Variants in POU6F2 observed in about 807,000 individuals in gnomAD.
POU6F2 encodes POU class 6 homeobox 2, also known as POU domain, class 6, transcription factor 2.
A neutral mutation model predicts 71.3 loss-of-function variants in POU6F2; 31 were observed. The ratio of observed to expected loss-of-function variants is 0.43; its 90% CI spans 0.33 to 0.59. The LOEUF (loss-of-function observed/expected upper bound fraction) is 0.59. Ranked by LOEUF, POU6F2 falls within the 20% of genes least tolerant of loss-of-function variation. POU6F2 has a pLI of 0.04. For synonymous variants in POU6F2, 347 were observed against 355.7 expected (o/e 0.98, Z 0.27); for missense variants, 783 against 856.8 (o/e 0.91, Z 1.07).
chr7:39,414,100 C>T (rs1470249429), intron 6 of POU6F2, among the ~76,000 whole-genome samples: 1 of 152,168 alleles, frequency 6.6e-6, no homozygotes, highest in South Asian at 2.1e-4. Flanking sequence ...CCTGTATTCC[C>T]CAACCGAACA....
At chr7:39,335,154 G>T (rs920119680) in intron 4 of POU6F2, among the ~76,000 whole-genome samples, 5 of 151,918 alleles carry the variant, frequency 3.3e-5, no homozygotes, top group African/African-American at 1.2e-4. Flanking sequence ...TGAATAACAT[G>T]TACCATGGCC....
At chr7:38,989,732 G>GAT (rs111267923) in intron 1 of POU6F2, among the ~76,000 whole-genome samples, 3,469 of 149,764 alleles carry the variant, frequency 0.023, 51 homozygotes, top group African/African-American at 0.037. Context: ...TGAGAAGTAA[G>GAT]ATATATATAT....
Position 39,433,288 on chromosome 7 carries a change from A to G in POU6F2, c.1320+5A>G. On this transcript the variant is annotated splice_donor_5th_base_variant and intron_variant, in intron 7 of 9. Transcript: ENST00000518318. ...CCCATCAAGCCCGGCCAGCAGGTAA[A>G]TGTTCCAGGCCAAGGCAGCCATGGC... The G allele has an allele frequency of 1.2e-6, 2 of 1,613,860 alleles. No homozygotes were observed. Among genetic ancestry groups the G allele is most frequent in the Non-Finnish European group, 1.7e-6 (2 of 1,179,834 alleles).
chr7:39,289,632 A>G (rs755230001), intron 4 of POU6F2, among the ~76,000 whole-genome samples: 39 of 152,230 alleles, frequency 2.6e-4, no homozygotes, highest in Admixed American at 4.6e-4. Context: ...TGATCATTCA[A>G]CAACATCAAA....
chr7:39,365,860 G>A (rs1056628963), intron 5 of POU6F2, among the ~76,000 whole-genome samples: 6 of 152,166 alleles, frequency 3.9e-5, no homozygotes, highest in African/African-American at 1.4e-4. Flanking sequence ...ATTGCTGGGT[G>A]GTGTCAGGGT....
intron 1 of POU6F2, among the ~76,000 whole-genome samples, chr7:39,014,049 C>A (rs759385462): frequency 6.6e-6 from 1 of 152,154 alleles, no homozygotes; most frequent in African/African-American, 2.4e-5. Flanking sequence ...CTTTTACTGG[C>A]TCATGTGTGA....
intron 1 of POU6F2, among the ~76,000 whole-genome samples, chr7:39,016,041 T>A (rs1215059567): frequency 1.1e-4 from 5 of 44,650 alleles, no homozygotes; most frequent in South Asian, 9.0e-4. Flanking sequence ...AGATATATAT[T>A]ATATATTATA....
At chr7:39,419,278 G>T (rs529779247) in intron 6 of POU6F2, among the ~76,000 whole-genome samples, 1 of 151,272 alleles carries the variant, frequency 6.6e-6, no homozygotes, top group African/African-American at 2.4e-5. Flanking sequence ...TCACTCTGTC[G>T]CCCAGGTTGG....
chr7:39,418,441 G>A (rs1194696058), intron 6 of POU6F2, among the ~76,000 whole-genome samples: 1 of 152,184 alleles, frequency 6.6e-6, no homozygotes, highest in East Asian at 1.9e-4. Flanking sequence ...TGTAATCCCA[G>A]CATTTTGGGA....
intron 5 of POU6F2, among the ~76,000 whole-genome samples, chr7:39,359,365 A>G (rs985986138): frequency 2.6e-5 from 4 of 152,210 alleles, no homozygotes; most frequent in African/African-American, 9.6e-5. Flanking sequence ...CATATAACCC[A>G]ACAAGATACT....
chr7:39,442,998 A>T (rs1788439031), intron 7 of POU6F2, among the ~76,000 whole-genome samples: 2 of 152,168 alleles, frequency 1.3e-5, no homozygotes, highest in African/African-American at 4.8e-5. Context: ...AGAGGCAGGA[A>T]TGGTGCCACT....
intron 1 of POU6F2, among the ~76,000 whole-genome samples, chr7:39,014,896 G>T (rs554717323): frequency 1.7e-4 from 26 of 152,134 alleles, no homozygotes; most frequent in African/African-American, 5.8e-4. Flanking sequence ...AAGTGGAACC[G>T]TTTCCATGAA....
intron 4 of POU6F2, among the ~76,000 whole-genome samples, chr7:39,285,383 C>T (rs1020402166): frequency 1.3e-5 from 2 of 152,274 alleles, no homozygotes; most frequent in Non-Finnish European, 1.5e-5. Flanking sequence ...CATCGTATGT[C>T]GTGTATTAGT....
chr7:39,396,133 T>C (rs183617559), intron 5 of POU6F2, among the ~76,000 whole-genome samples: 2 of 152,310 alleles, frequency 1.3e-5, no homozygotes, highest in African/African-American at 4.8e-5. Flanking sequence ...ATGTGTAGGC[T>C]TGTAGTAATA....
chr7:39,095,243 A>G (rs1418876083), intron 2 of POU6F2, among the ~76,000 whole-genome samples: 1 of 152,182 alleles, frequency 6.6e-6, no homozygotes, highest in African/African-American at 2.4e-5. Flanking sequence ...CTTAAGCCTT[A>G]CCCAAGAAAT....
chr7:39,348,720 A>G (rs1446006693), intron 5 of POU6F2, among the ~76,000 whole-genome samples: 1 of 152,154 alleles, frequency 6.6e-6, no homozygotes, highest in African/African-American at 2.4e-5. Context: ...GCATTTCTCA[A>G]ATTTTCTTCC....
intron 1 of POU6F2, among the ~76,000 whole-genome samples, chr7:38,980,065 T>C (rs1229389710): frequency 3.9e-5 from 6 of 152,236 alleles, no homozygotes; most frequent in Non-Finnish European, 8.8e-5. Context: ...CTCTGTATTT[T>C]GTATGTACTC....
At chr7:39,358,289 G>T (rs988669764) in intron 5 of POU6F2, among the ~76,000 whole-genome samples, 4 of 152,184 alleles carry the variant, frequency 2.6e-5, no homozygotes, top group Admixed American at 6.5e-5. Context: ...GAAGGAAAAA[G>T]AATAATGTGG....
chr7:39,082,794 G>GCACACACACACACACACACACACACA, intron 1 of POU6F2, among the ~76,000 whole-genome samples: 1 of 137,166 alleles, frequency 7.3e-6, no homozygotes, highest in East Asian at 2.2e-4. Context: ...ACCATGTCAT[G>GCACACACACACACACACACACACACA]CACACACACA....
Sources: allele counts gnomAD v4.1 joint callset (sites outside exome capture counted in the v4.1 genomes callset), GRCh38; gene constraint gnomAD v4.1.1; transcripts MANE v1.5; gene names NCBI Gene and HGNC (gene_info 2026-07-23, HGNC 2026-07-21).